The following KPNA3 variants were observed in gnomAD, a reference collection of about 807,000 sequenced individuals.
KPNA3 encodes the protein karyopherin subunit alpha 3, also known as importin subunit alpha-4.
A neutral mutation model predicts 73.8 loss-of-function variants in KPNA3; 13 were observed. The observed-to-expected ratio is 0.18, with a 90% CI of 0.11 to 0.28. The LOEUF (loss-of-function observed/expected upper bound fraction) is 0.28, where lower values mean the gene tolerates loss of function less well. Ranked by LOEUF, KPNA3 falls within the 10% of genes least tolerant of loss-of-function variation. The probability of loss-of-function intolerance (pLI) is 1.00; values close to 1 mark genes in which losing one functional copy is unlikely to be tolerated. For synonymous variants in KPNA3, 186 were observed against 206.9 expected, an observed-to-expected ratio of 0.90 and a Z score of 0.87; for missense variants, 360 against 618.1, an observed-to-expected ratio of 0.58 and a Z score of 4.43.
chr13:49,768,207 A>T (rs1216854608), intron 1 of KPNA3, among the ~76,000 whole-genome samples: 1 of 146,074 alleles, frequency 6.8e-6, no homozygotes, highest in Non-Finnish European at 1.5e-5. Flanking sequence ...TGAACCTGGG[A>T]GGCTGAAGCT....
At chr13:49,779,941 C>T (rs1954927631) in intron 1 of KPNA3, among the ~76,000 whole-genome samples, 1 of 152,110 alleles carries the variant, frequency 6.6e-6, no homozygotes. Context: ...TCAGGAAACT[C>T]TCCTCCCTAA....
rs763638736 is a variant in KPNA3 at position 49,784,239 on chromosome 13, A to T, written c.69+8199T>A. Among the ~76,000 whole-genome samples, 62 of 151,758 alleles carry T rather than the reference A, an allele frequency of 4.1e-4. 1 individual carries two copies. The highest frequency in any genetic ancestry group is 7.9e-4 in the Non-Finnish European group (54 of 67,934). On this transcript the variant is annotated intron_variant, in intron 1 of 16. Transcript: ENST00000261667. ...TCTGTCTCAAAAATAATGTTTAAAA[A>T]TTTTTTTTTAAAAAAACTTCCAGAT...
chr13:49,711,695 A>G (rs1360762484), intron 10 of KPNA3, among the ~76,000 whole-genome samples: 1 of 152,172 alleles, frequency 6.6e-6, no homozygotes, highest in African/African-American at 2.4e-5. Context: ...TGTATGTGGC[A>G]TTGCTTGGTG....
chr13:49,738,287 G>A (rs1277411554), intron 2 of KPNA3, among the ~76,000 whole-genome samples: 1 of 152,102 alleles, frequency 6.6e-6, no homozygotes, highest in Non-Finnish European at 1.5e-5. Context: ...CTTTCATATT[G>A]CGTGAAGTAA....
Position 49,749,311 on chromosome 13 carries a change from A to C in KPNA3, c.70-2318T>G, listed in dbSNP as rs1189328406. ...CAGGTAGTAAGTGCTTCGAATATGA[A>C]CATCTCAATTTATAGACACTGGTTT... On this transcript the variant is annotated intron_variant, in intron 1 of 16. Coordinates refer to ENST00000261667, the MANE Select transcript of KPNA3 (RefSeq NM_002267.4). 2.0e-5 allele frequency among the ~76,000 whole-genome samples: 3 copies of C among 152,244 alleles called. No individual in the cohort carries two copies. In the East Asian group the frequency reaches 5.8e-4, roughly 29 times the overall value.
intron 7 of KPNA3, among the ~76,000 whole-genome samples, chr13:49,724,229 T>A (rs1383385877): frequency 6.6e-6 from 1 of 152,234 alleles, no homozygotes; most frequent in Non-Finnish European, 1.5e-5. Flanking sequence ...TGAATATTTA[T>A]GTACAAGTGT....
intron 1 of KPNA3, among the ~76,000 whole-genome samples, chr13:49,764,805 C>G (rs1240983574): frequency 6.6e-6 from 1 of 151,560 alleles, no homozygotes; most frequent in Non-Finnish European, 1.5e-5. Context: ...TAACTAGTTC[C>G]TGTTCTCTTT....
At chr13:49,776,369 C>T (rs939798176) in intron 1 of KPNA3, among the ~76,000 whole-genome samples, 8 of 152,334 alleles carry the variant, frequency 5.3e-5, no homozygotes, top group Admixed American at 5.2e-4. Context: ...AGTGAGGAAG[C>T]ATTTTAAATT....
At chr13:49,781,968 T>C (rs972495568) in intron 1 of KPNA3, among the ~76,000 whole-genome samples, 1 of 152,200 alleles carries the variant, frequency 6.6e-6, no homozygotes, top group Non-Finnish European at 1.5e-5. Flanking sequence ...CCCACATATC[T>C]AGCCGGCAGG....
chr13:49,739,371 T>C (rs1954552811), intron 2 of KPNA3, among the ~76,000 whole-genome samples: 1 of 152,216 alleles, frequency 6.6e-6, no homozygotes, highest in South Asian at 2.1e-4. Flanking sequence ...TGAGAGGCAT[T>C]ATAGCATAAT....
At chr13:49,789,168 T>C (rs9535341) in intron 1 of KPNA3, among the ~76,000 whole-genome samples, 130,392 of 152,182 alleles carry the variant, frequency 0.86, 56,061 homozygotes, top group East Asian at 1. Context: ...ATCTCCCTAT[T>C]AAGAAAAAGC....
intron 12 of KPNA3, 37 bp downstream of exon 12, chr13:49,709,535 G>C (rs1380621303): frequency 6.5e-7 from 1 of 1,527,482 alleles, no homozygotes; most frequent in Non-Finnish European, 8.9e-7. Context: ...ATGAGACACA[G>C]AAAGAAATAG....
intron 1 of KPNA3, among the ~76,000 whole-genome samples, chr13:49,791,920 C>CT (rs1469538734): frequency 2.0e-5 from 3 of 152,238 alleles, no homozygotes; most frequent in Non-Finnish European, 2.9e-5. Context: ...CCCCACCCCC[C>CT]TCTGCGGGCC....
chr13:49,721,538 G>A (rs1337106944), intron 9 of KPNA3, among the ~76,000 whole-genome samples: 1 of 151,996 alleles, frequency 6.6e-6, no homozygotes. Flanking sequence ...TTACACCTGT[G>A]GCTGGGCGTG....
chr13:49,724,991 T>G (rs868833684), intron 7 of KPNA3, among the ~76,000 whole-genome samples: 5 of 152,330 alleles, frequency 3.3e-5, no homozygotes, highest in Middle Eastern at 3.4e-3. Flanking sequence ...TAAAATTAGC[T>G]AAGTGTCCCA....
intron 1 of KPNA3, among the ~76,000 whole-genome samples, chr13:49,755,386 T>C (rs143999548): frequency 6.6e-6 from 1 of 152,298 alleles, no homozygotes. Context: ...TTTCCCTAGA[T>C]TGAGAACAAG....
chr13:49,702,358 G>C, intron 16 of KPNA3, 28 bp downstream of exon 16: 2 of 1,119,778 alleles, frequency 1.8e-6, no homozygotes, highest in Middle Eastern at 4.0e-4. Context: ...TTTACATGAA[G>C]ATACACGCTA....
chr13:49,783,548 C>T (rs764811152), intron 1 of KPNA3, among the ~76,000 whole-genome samples: 5 of 152,130 alleles, frequency 3.3e-5, no homozygotes, highest in Non-Finnish European at 5.9e-5. Flanking sequence ...TACGAATCCA[C>T]AGGTTACAAA....
At chr13:49,731,498 A>G (rs868293906) in intron 6 of KPNA3, among the ~76,000 whole-genome samples, 5 of 152,292 alleles carry the variant, frequency 3.3e-5, no homozygotes, top group Middle Eastern at 3.4e-3. Context: ...CTGGGGGTGG[A>G]AAGTGGGAGA....
Sources: allele counts gnomAD v4.1 joint callset (sites outside exome capture counted in the v4.1 genomes callset), GRCh38; gene constraint gnomAD v4.1.1; transcripts MANE v1.5; gene names NCBI Gene and HGNC (gene_info 2026-07-23, HGNC 2026-07-21).